Variants in BCL2 observed in about 807,000 individuals in gnomAD.
BCL2 encodes BCL2 apoptosis regulator.
BCL2 carries 1 observed loss-of-function variant against 14.2 expected under a neutral mutation model. The observed-to-expected ratio is 0.07, with a 90% CI of 0.02 to 0.33. The LOEUF is 0.33. Ranked by LOEUF, BCL2 falls within the 10% of genes least tolerant of loss-of-function variation. The pLI, the probability that BCL2 is intolerant of heterozygous loss-of-function variation, is 0.99. For missense variants in BCL2, 247 were observed against 305.9 expected, an observed-to-expected ratio of 0.81 and a Z score of 1.44; for synonymous variants, 151 against 137.2, an observed-to-expected ratio of 1.10 and a Z score of -0.70.
chr18:63,291,796 G>A (rs1912653519), intron 2 of BCL2, among the ~76,000 whole-genome samples: 1 of 150,558 alleles, frequency 6.6e-6, no homozygotes, highest in Admixed American at 6.6e-5. Context: ...CCTTTCTTGT[G>A]TTGGAAAGAT....
chr18:63,314,162 G>A (rs576555241), intron 2 of BCL2: 3 of 152,300 alleles, frequency 2.0e-5, no homozygotes, highest in African/African-American at 7.2e-5. Context: ...TAGGCAGAAA[G>A]ATGCACTTTC....
chr18:63,154,274 A>G (rs1356536947), intron 2 of BCL2, among the ~76,000 whole-genome samples: 1 of 152,262 alleles, frequency 6.6e-6, no homozygotes, highest in African/African-American at 2.4e-5. Flanking sequence ...GTCTTACAGA[A>G]GCCACTTCTG....
intron 2 of BCL2, among the ~76,000 whole-genome samples, chr18:63,283,638 C>T (rs917607341): frequency 6.6e-6 from 1 of 152,172 alleles, no homozygotes; most frequent in African/African-American, 2.4e-5. Flanking sequence ...GTATCCCAAC[C>T]CAGAACCACA....
At chr18:63,209,479 C>T (rs1400770740) in intron 2 of BCL2, among the ~76,000 whole-genome samples, 1 of 152,100 alleles carries the variant, frequency 6.6e-6, no homozygotes, top group Non-Finnish European at 1.5e-5. Context: ...TAGTGGTTCC[C>T]ATTGGCAGGT....
intron 2 of BCL2, among the ~76,000 whole-genome samples, chr18:63,161,390 T>C (rs1914917055): frequency 1.3e-5 from 2 of 152,238 alleles, no homozygotes. Context: ...GATGCTTTCT[T>C]TTTGCTCAGA....
At chr18:63,221,194 T>C (rs1259127039) in intron 2 of BCL2, among the ~76,000 whole-genome samples, 1 of 152,200 alleles carries the variant, frequency 6.6e-6, no homozygotes, top group Non-Finnish European at 1.5e-5. Context: ...TTAAGTAAAA[T>C]GCTAGGGTTG....
chr18:63,177,405 C>T (rs912435351), intron 2 of BCL2, among the ~76,000 whole-genome samples: 30 of 152,138 alleles, frequency 2.0e-4, no homozygotes, highest in Admixed American at 1.4e-3. Flanking sequence ...CCTAAGAAAC[C>T]AGGCCTGACC....
rs148477502 is a variant in BCL2, at chr18:63,199,936, G to GCA, written c.586-71179_586-71178dup. 4.1e-4 allele frequency among the ~76,000 whole-genome samples: 61 copies of GCA among 149,268 alleles called. 1 individual carries two copies. The highest frequency in any genetic ancestry group is 1.2e-3 in the African/African-American group (49 of 40,520). On this transcript the variant is annotated intron_variant, in intron 2 of 2. Transcript: ENST00000333681. The stretch of plus-strand genomic sequence containing the variant: ...AACAAACAAAACAACGCGCACACAT[G>GCA]CACACACACACACGCACACACACAC...
At chr18:63,218,022 AAGAT>A (rs1187525908) in intron 2 of BCL2, among the ~76,000 whole-genome samples, 2 of 152,170 alleles carry the variant, frequency 1.3e-5, no homozygotes, top group Admixed American at 6.5e-5. Flanking sequence ...GAAGGATAGA[AAGAT>A]AGGCCCCAGA....
intron 2 of BCL2, among the ~76,000 whole-genome samples, chr18:63,233,876 T>A (rs1390493458): frequency 1.3e-5 from 2 of 152,174 alleles, no homozygotes; most frequent in African/African-American, 4.8e-5. Flanking sequence ...AACTACAACA[T>A]TTTCTGTTAA....
chr18:63,212,534 G>A (rs1427517281), intron 2 of BCL2, among the ~76,000 whole-genome samples: 1 of 151,560 alleles, frequency 6.6e-6, no homozygotes, highest in Non-Finnish European at 1.5e-5. Context: ...ACAAGCCACA[G>A]TGGGAACTCA....
chr18:63,317,925 G>A, intron 2 of BCL2, 157 bp downstream of exon 2: 1 of 1,461,922 alleles, frequency 6.8e-7, no homozygotes, highest in East Asian at 2.5e-5. Flanking sequence ...TGAACGCTTT[G>A]TCCAGAGGAG....
At chr18:63,186,196 T>C (rs1187339435) in intron 2 of BCL2, among the ~76,000 whole-genome samples, 1 of 152,238 alleles carries the variant, frequency 6.6e-6, no homozygotes, top group Non-Finnish European at 1.5e-5. Context: ...TGCCTGAGCA[T>C]GCTATCTATT....
intron 2 of BCL2, among the ~76,000 whole-genome samples, chr18:63,179,236 C>T (rs1167161875): frequency 3.3e-5 from 5 of 152,256 alleles, no homozygotes; most frequent in East Asian, 3.9e-4. Context: ...GTTGGGAATG[C>T]GCTCAGTAAG....
intron 2 of BCL2, among the ~76,000 whole-genome samples, chr18:63,230,911 A>C (rs1038073266): frequency 4.6e-4 from 70 of 152,164 alleles, no homozygotes; most frequent in African/African-American, 1.6e-3. Flanking sequence ...TCTGAAAAAA[A>C]AAATTAGCAA....
chr18:63,202,751 T>C (rs577590010), intron 2 of BCL2, among the ~76,000 whole-genome samples: 5 of 152,360 alleles, frequency 3.3e-5, no homozygotes, highest in African/African-American at 1.2e-4. Context: ...ATCAGTACCA[T>C]ATGCACAGGC....
chr18:63,318,076 A>ACC lies in BCL2; in HGVS notation c.585+4_585+5dup. The ACC allele has an allele frequency of 6.2e-7, 1 of 1,613,670 alleles. No homozygotes were observed. Among genetic ancestry groups the ACC allele is most frequent in the Non-Finnish European group, 8.5e-7 (1 of 1,179,874 alleles). On this transcript the variant is annotated splice_donor_region_variant and intron_variant, in intron 2 of 2. Transcript: ENST00000333681. The surrounding 1 kb of genome is among the most constrained non-coding windows in gnomAD (Gnocchi z 7.4). ...AGCCCAGACTCACATCACCAAGTGC[A>ACC]CCTACCCAGCCTCCGTTATCCTGGA...
chr18:63,281,095 C>A (rs900191379), intron 2 of BCL2, among the ~76,000 whole-genome samples: 1 of 152,086 alleles, frequency 6.6e-6, no homozygotes, highest in Admixed American at 6.5e-5. Flanking sequence ...AAGTGTGAGT[C>A]CACTTATGCG....
At chr18:63,305,713 G>C (rs532137667) in intron 2 of BCL2, among the ~76,000 whole-genome samples, 2 of 151,788 alleles carry the variant, frequency 1.3e-5, no homozygotes, top group Admixed American at 1.3e-4. Context: ...TTTATCACAC[G>C]GTGAATTCTA....
Sources: allele counts gnomAD v4.1 joint callset (sites outside exome capture counted in the v4.1 genomes callset), GRCh38; gene constraint gnomAD v4.1.1; non-coding constraint Gnocchi (gnomAD v3.1); transcripts MANE v1.5; gene names NCBI Gene and HGNC (gene_info 2026-07-23, HGNC 2026-07-21).